The following HIVEP3 variants were observed in gnomAD, a reference collection of about 807,000 sequenced individuals.
HIVEP3 encodes the protein transcription factor HIVEP3.
HIVEP3 carries 49 observed loss-of-function variants against 152.8 expected under a neutral mutation model. That is an observed-to-expected ratio of 0.32 (90% CI 0.26 to 0.41). The LOEUF is 0.41. Ranked by LOEUF, HIVEP3 falls within the 10% of genes least tolerant of loss-of-function variation. The pLI is 1.00. For synonymous variants in HIVEP3, 1,269 were observed against 1,289.0 expected, an observed-to-expected ratio of 0.98 and a Z score of 0.33; for missense variants, 2,790 against 3,103.3, an observed-to-expected ratio of 0.90 and a Z score of 2.40.
chr1:41,990,394 G>A (rs1645352854), intron 1 of HIVEP3, among the ~76,000 whole-genome samples: 1 of 151,636 alleles, frequency 6.6e-6, no homozygotes, highest in African/African-American at 2.4e-5. Context: ...AAGATCAAAA[G>A]AGACAAAGAA....
intron 1 of HIVEP3, among the ~76,000 whole-genome samples, chr1:41,808,942 G>A (rs1313341068): frequency 6.6e-6 from 1 of 152,220 alleles, no homozygotes; most frequent in Non-Finnish European, 1.5e-5. Flanking sequence ...AAACTTAAGA[G>A]GTAGGAATTA....
intron 2 of HIVEP3, among the ~76,000 whole-genome samples, chr1:41,685,090 C>T (rs1374095991): frequency 6.6e-6 from 1 of 152,222 alleles, no homozygotes; most frequent in African/African-American, 2.4e-5. Flanking sequence ...CTCTGAGCCC[C>T]CACTGTCCCA....
chr1:41,834,845 G>T (rs1643076056), intron 1 of HIVEP3, among the ~76,000 whole-genome samples: 1 of 152,110 alleles, frequency 6.6e-6, no homozygotes, highest in Non-Finnish European at 1.5e-5. Context: ...GAGATGCATG[G>T]CATGAAAAGG....
chr1:41,960,498 T>A (rs1645163932), intron 1 of HIVEP3, among the ~76,000 whole-genome samples: 1 of 152,010 alleles, frequency 6.6e-6, no homozygotes, highest in South Asian at 2.1e-4. Flanking sequence ...AGAGTTCAAC[T>A]CCCTTGCCTC....
At position 41,966,997 on chromosome 1, in the gene HIVEP3, A is replaced by T. The variant is rs546509743; in HGVS notation, n.120-48473T>A. 2.6e-5 allele frequency among the ~76,000 whole-genome samples: 4 copies of T among 152,278 alleles called. No homozygotes were observed. The South Asian group carries it at 8.3e-4, about 32-fold the overall frequency. On this transcript the variant is annotated intron_variant and non_coding_transcript_variant, in intron 1 of 3. Coordinates refer to the HIVEP3 transcript ENST00000489103. The stretch of plus-strand genomic sequence containing the variant: ...AAAGGGTTCAATTCTATAAAAAGAG[A>T]TAGCTATCCTAAATATATATGCACC...
intron 1 of HIVEP3, among the ~76,000 whole-genome samples, chr1:41,902,713 A>G (rs2124455445): frequency 6.6e-6 from 1 of 152,340 alleles, no homozygotes; most frequent in African/African-American, 2.4e-5. Context: ...AATGTCTGCT[A>G]CTAAATTGGG....
intron 1 of HIVEP3, among the ~76,000 whole-genome samples, chr1:41,984,976 TAA>T (rs759311454): frequency 2.8e-5 from 4 of 142,260 alleles, no homozygotes; most frequent in Admixed American, 7.0e-5. Flanking sequence ...GTCAGAGGAC[TAA>T]AAAAAAAAAA....
intron 5 of HIVEP3, among the ~76,000 whole-genome samples, chr1:41,532,235 G>C (rs1215955307): frequency 2.0e-5 from 3 of 150,034 alleles, no homozygotes; most frequent in African/African-American, 7.4e-5. Context: ...TGGAGGACAG[G>C]GGAGATGGAG....
chr1:41,862,124 C>G (rs1048572955), intron 1 of HIVEP3, among the ~76,000 whole-genome samples: 2 of 152,150 alleles, frequency 1.3e-5, no homozygotes, highest in Admixed American at 6.5e-5. Context: ...AAGGCCAGAC[C>G]ACCCAAAGGT....
At position 41,585,027 on chromosome 1, in the gene HIVEP3, A is replaced by G; in HGVS notation, c.-230T>C. The G allele has an allele frequency of 4.9e-6, 2 of 405,846 alleles. No homozygotes were observed. Among genetic ancestry groups the G allele is most frequent in the Non-Finnish European group, 8.7e-6 (2 of 231,068 alleles). The allele number at this position is 405,846 out of a possible 1,614,324, so 25.1% of individuals were successfully genotyped here. On this transcript the variant is annotated 5_prime_UTR_variant, in exon 4 of 9. The change abolishes the stop of an existing upstream ORF in the 5' untranslated region. Transcript: ENST00000372583. ...TTCTATTGGTGAGGCATGGCCCTCT[A>G]CTTTGCAGACAGAAAACGCACCAGC... is the stretch of plus-strand genomic sequence containing the variant.
chr1:41,895,505 C>A (rs1644513368), intron 1 of HIVEP3, among the ~76,000 whole-genome samples: 1 of 152,168 alleles, frequency 6.6e-6, no homozygotes, highest in African/African-American at 2.4e-5. Context: ...CTGTTGGCAA[C>A]CCAGTGTGCT....
chr1:41,680,055 G>A lies in HIVEP3; in HGVS notation c.-721+20861C>T, dbSNP rs1378180905. Among the ~76,000 whole-genome samples, 3 of 152,246 alleles carry A rather than the reference G, an allele frequency of 2.0e-5. No individual in the cohort carries two copies. In the South Asian group the frequency reaches 6.2e-4, roughly 32 times the overall value. ...ACCAAGTTTTGGATCCTGCCCTGAAGGGGAGATGGGCCAGGATGGTTGAGC... is the reference window on the plus strand; with the variant it reads ...ACCAAGTTTTGGATCCTGCCCTGAAAGGGAGATGGGCCAGGATGGTTGAGC... On this transcript the variant is annotated intron_variant, in intron 2 of 8. Transcript: ENST00000372583.
At chr1:41,838,070 C>T (rs917646134) in intron 1 of HIVEP3, among the ~76,000 whole-genome samples, 1 of 152,056 alleles carries the variant, frequency 6.6e-6, no homozygotes, top group African/African-American at 2.4e-5. Flanking sequence ...ACAGATGGCC[C>T]GGTGAATTCC....
At chr1:41,874,542 T>G (rs1644135934) in intron 1 of HIVEP3, among the ~76,000 whole-genome samples, 1 of 152,190 alleles carries the variant, frequency 6.6e-6, no homozygotes, top group East Asian at 1.9e-4. Flanking sequence ...AACGCTTTCC[T>G]GCCCTTGCAG....
At chr1:41,539,844 A>G (rs1156717213) in intron 5 of HIVEP3, among the ~76,000 whole-genome samples, 1 of 152,258 alleles carries the variant, frequency 6.6e-6, no homozygotes, top group Non-Finnish European at 1.5e-5. Context: ...CTTTCATCAC[A>G]TAAAAATAAA....
At chr1:41,638,039 G>T (rs150166253) in intron 2 of HIVEP3, among the ~76,000 whole-genome samples, 1 of 152,078 alleles carries the variant, frequency 6.6e-6, no homozygotes, top group South Asian at 2.1e-4. Context: ...AATAATAGAC[G>T]CTGGAGGCTC....
intron 3 of HIVEP3, among the ~76,000 whole-genome samples, chr1:41,585,937 A>G (rs1176005315): frequency 6.6e-6 from 1 of 152,160 alleles, no homozygotes; most frequent in Non-Finnish European, 1.5e-5. Context: ...CACAAGGGAC[A>G]TCATTCACTG....
chr1:41,771,527 G>C (rs575278289), intron 1 of HIVEP3, among the ~76,000 whole-genome samples: 1 of 152,174 alleles, frequency 6.6e-6, no homozygotes, highest in Non-Finnish European at 1.5e-5. Context: ...TGCCCCGCGT[G>C]TCTACCCCTC....
intron 2 of HIVEP3, among the ~76,000 whole-genome samples, chr1:41,673,849 T>C (rs1252557646): frequency 1.3e-5 from 2 of 152,118 alleles, no homozygotes; most frequent in Non-Finnish European, 2.9e-5. Flanking sequence ...AGAGAGAGGA[T>C]GAGAACAAAA....
Sources: gnomAD v4.1 joint callset for allele counts (sites outside exome capture counted in the v4.1 genomes callset) on GRCh38, gnomAD v4.1.1 for gene constraint, MANE v1.5 for transcripts, NCBI Gene and HGNC (gene_info 2026-07-23, HGNC 2026-07-21) for gene names.